The following NR5A2 variants were observed in gnomAD, a reference collection of about 807,000 sequenced individuals.
NR5A2 encodes the protein CYP7A promoter-binding factor.
In NR5A2, 26 loss-of-function variants were observed where a neutral mutation model predicts 62.7. The observed-to-expected ratio is 0.41, with a 90% CI of 0.30 to 0.58. The LOEUF is 0.58. Ranked by LOEUF, NR5A2 falls within the 20% of genes least tolerant of loss-of-function variation. The pLI, the probability that NR5A2 is intolerant of heterozygous loss-of-function variation, is 0.22. For synonymous variants in NR5A2, 246 were observed against 241.7 expected (o/e 1.02, Z -0.16); for missense variants, 541 against 669.1 (o/e 0.81, Z 2.11).
intron 7 of NR5A2, among the ~76,000 whole-genome samples, chr1:200,127,693 AAAAAAAAAAAAAAAAAAT>A (rs1331441463): frequency 1.3e-5 from 1 of 74,596 alleles, no homozygotes; most frequent in African/African-American, 4.6e-5. Context: ...AAAAAAAAAA[AAAAAAAAAAAAAAAAAAT>A]ATATATATAT....
Position 200,039,933 on chromosome 1 carries a change from C to CG in NR5A2, c.202+138_202+139insG. The CG allele has an allele frequency of 1.1e-6, 1 of 907,526 alleles. No individual in the cohort carries two copies. The highest frequency in any genetic ancestry group is 1.9e-5 in the South Asian group (1 of 52,810). 56.2% of individuals were successfully genotyped at this position (907,526 alleles called of 1,614,324 possible). ...CTCGCAGCCGCGGGAGTCAAGCCCC[C>CG]TCCCCAGGTGCAGGCATAAAAGTTT... On this transcript the variant is annotated intron_variant, in intron 2 of 7. Coordinates refer to ENST00000367362, the MANE Select transcript of NR5A2 (RefSeq NM_205860.3). The surrounding 1 kb of genome is among the most constrained non-coding windows in gnomAD (Gnocchi z 5.1).
intron 5 of NR5A2, chr1:200,058,279 G>A (rs934312261): frequency 6.6e-6 from 1 of 152,112 alleles, no homozygotes; most frequent in Non-Finnish European, 1.5e-5. Flanking sequence ...ACTATCACCT[G>A]TCTAAATGCC....
At chr1:200,138,258 T>A (rs1667311280) in intron 7 of NR5A2, among the ~76,000 whole-genome samples, 2 of 152,356 alleles carry the variant, frequency 1.3e-5, no homozygotes, top group East Asian at 3.9e-4. Context: ...ACTGTCAAAG[T>A]GTTCTCCAAA....
At chr1:200,095,095 A>G (rs1051128803) in intron 5 of NR5A2, among the ~76,000 whole-genome samples, 12 of 150,058 alleles carry the variant, frequency 8.0e-5, no homozygotes, top group Admixed American at 4.0e-4. Context: ...TTACCCTTCA[A>G]TCAGGCTCCA....
chr1:200,085,662 C>CA (rs779455520), intron 5 of NR5A2, among the ~76,000 whole-genome samples: 8,101 of 91,014 alleles, frequency 0.089, 422 homozygotes, highest in African/African-American at 0.21. Flanking sequence ...AGACCTATCT[C>CA]AAAAAAAAAA....
At chr1:200,113,219 C>G (rs746517749) in intron 6 of NR5A2, among the ~76,000 whole-genome samples, 3 of 151,932 alleles carry the variant, frequency 2.0e-5, no homozygotes, top group Non-Finnish European at 4.4e-5. Context: ...ATTCTTCCAG[C>G]TCCCCTCCCC....
At chr1:200,102,434 G>A (rs955833135) in intron 5 of NR5A2, among the ~76,000 whole-genome samples, 1 of 152,126 alleles carries the variant, frequency 6.6e-6, no homozygotes, top group Admixed American at 6.5e-5. Context: ...AAGAAGCAGA[G>A]GACCAGCCTG....
At chr1:200,035,077 C>G (rs1027594593) in intron 1 of NR5A2, among the ~76,000 whole-genome samples, 1 of 151,938 alleles carries the variant, frequency 6.6e-6, no homozygotes, top group East Asian at 1.9e-4. Flanking sequence ...CTGGGAGGGG[C>G]GGAAAAATTA....
At position 200,174,345 on chromosome 1, in the gene NR5A2, T is replaced by C. The variant is rs1654326924; in HGVS notation, c.*135T>C. The C allele has an allele frequency of 1.1e-6, 1 of 921,148 alleles. No homozygotes were observed. Among genetic ancestry groups the C allele is most frequent in the Non-Finnish European group, 1.5e-6 (1 of 676,056 alleles). The allele number at this position is 921,148 out of a possible 1,614,324, so 57.1% of individuals were successfully genotyped here. On this transcript the variant is annotated 3_prime_UTR_variant, in exon 8 of 8. Coordinates refer to ENST00000367362, the MANE Select transcript of NR5A2 (RefSeq NM_205860.3). ...TAATTAAAAACTTGCTTTAAAGATA[T>C]TGAATTTAAAAAGGCATAATAATCA...
At chr1:200,111,076 A>G (rs1665918059) in intron 5 of NR5A2, 126 bp from the exon 6 acceptor site, 4 of 1,063,362 alleles carry the variant, frequency 3.8e-6, no homozygotes, top group Non-Finnish European at 5.2e-6. Flanking sequence ...TTCAGTGACC[A>G]TGGGTGGAGA....
At chr1:200,137,630 C>T (rs895254661) in intron 7 of NR5A2, among the ~76,000 whole-genome samples, 1 of 152,078 alleles carries the variant, frequency 6.6e-6, no homozygotes, top group African/African-American at 2.4e-5. Flanking sequence ...GCATCAAACT[C>T]AATGGAGTGA....
At position 200,147,853 on chromosome 1, in the gene NR5A2, A is replaced by C. The variant is rs1388473720; in HGVS notation, c.1379-26110A>C. ...GCAGCCATTGGTGAGCAGTATGGCC[A>C]CCTGCTTGTAGGCGCAGTCCCCGGA... On this transcript the variant is annotated intron_variant, in intron 7 of 7. Transcript: ENST00000367362. This position sits in a 1 kb window ranked among gnomAD's most constrained non-coding sequence, Gnocchi z 4.9. 5 of 447,906 alleles carry C rather than the reference A, an allele frequency of 1.1e-5. No individual in the cohort carries two copies. Among genetic ancestry groups the C allele is most frequent in the Non-Finnish European group, 2.1e-5 (5 of 240,044 alleles). 27.7% of individuals were successfully genotyped at this position (447,906 alleles called of 1,614,324 possible).
At chr1:200,118,423 T>C (rs1443664277) in intron 6 of NR5A2, among the ~76,000 whole-genome samples, 2 of 152,240 alleles carry the variant, frequency 1.3e-5, no homozygotes, top group East Asian at 3.8e-4. Flanking sequence ...CCATCTATGA[T>C]TCTTGATAAT....
At chr1:200,165,006 A>G (rs985426019) in intron 7 of NR5A2, among the ~76,000 whole-genome samples, 1 of 150,478 alleles carries the variant, frequency 6.6e-6, no homozygotes, top group East Asian at 2.0e-4. Flanking sequence ...CCTCCCGAGT[A>G]GCTGGGATTA....
At chr1:200,121,547 A>G (rs2102311473) in intron 7 of NR5A2, among the ~76,000 whole-genome samples, 1 of 152,342 alleles carries the variant, frequency 6.6e-6, no homozygotes, top group Non-Finnish European at 1.5e-5. Flanking sequence ...CAGATTAGCT[A>G]AATCAAGGTT....
rs939469972 is a variant in NR5A2, at chr1:200,039,325, G to C, written c.65-333G>C. The stretch of plus-strand genomic sequence containing the variant: ...GCCGGGGCGGCAATAGCAGCCCCGC[G>C]GTCGCCTCCGCTGCCCGCCGGGAGC... On this transcript the variant is annotated intron_variant, in intron 1 of 7. Transcript: ENST00000367362. The surrounding 1 kb of genome is among the most constrained non-coding windows in gnomAD (Gnocchi z 5.1). Among the ~76,000 whole-genome samples the C allele has an allele frequency of 1.3e-5, 2 of 152,092 alleles. No individual in the cohort carries two copies. The highest frequency in any genetic ancestry group is 4.8e-5 in the African/African-American group (2 of 41,446).
chr1:200,145,737 C>T (rs918313257), intron 7 of NR5A2, among the ~76,000 whole-genome samples: 1 of 152,112 alleles, frequency 6.6e-6, no homozygotes, highest in East Asian at 1.9e-4. Flanking sequence ...AGGCAATCAG[C>T]CTCAGCCTCC....
chr1:200,031,937 G>T (rs544421634), intron 1 of NR5A2, among the ~76,000 whole-genome samples: 6 of 152,118 alleles, frequency 3.9e-5, no homozygotes, highest in African/African-American at 1.2e-4. Flanking sequence ...GAGAACAGAG[G>T]CTTGTTAATG....
At chr1:200,130,795 C>T (rs1390503662) in intron 7 of NR5A2, among the ~76,000 whole-genome samples, 1 of 152,156 alleles carries the variant, frequency 6.6e-6, no homozygotes, top group Non-Finnish European at 1.5e-5. Flanking sequence ...ACACACACTG[C>T]CACTGGCTGG....
Sources: allele counts gnomAD v4.1 joint callset (sites outside exome capture counted in the v4.1 genomes callset), GRCh38; gene constraint gnomAD v4.1.1; non-coding constraint Gnocchi (gnomAD v3.1); transcripts MANE v1.5; gene names NCBI Gene and HGNC (gene_info 2026-07-23, HGNC 2026-07-21).